Variants in EFHC2 observed in about 807,000 individuals in gnomAD.
The protein encoded by EFHC2 is EF-hand domain containing 2.
Under a neutral mutation model 52.7 loss-of-function variants are expected in EFHC2, and 18 were observed. The observed-to-expected ratio is 0.34, with a 90% CI of 0.24 to 0.51. The LOEUF (loss-of-function observed/expected upper bound fraction) is 0.51, where lower values mean the gene tolerates loss of function less well. Ranked by LOEUF, EFHC2 falls within the 20% of genes least tolerant of loss-of-function variation. EFHC2 has a pLI of 0.97. For synonymous variants in EFHC2, 203 were observed against 204.1 expected (o/e 0.99, Z 0.04); for missense variants, 513 against 562.5 (o/e 0.91, Z 0.89).
At chrX:44,314,856 A>T (rs144912612) in intron 1 of EFHC2, among the ~76,000 whole-genome samples, 11,502 of 111,121 alleles carry the variant, frequency 0.1, 490 homozygotes, top group Admixed American at 0.19. Context: ...TGCCAAATAT[A>T]CGAGTTAAAA....
chrX:44,336,579 A>G (rs959241023), intron 1 of EFHC2, among the ~76,000 whole-genome samples: 1 of 111,872 alleles, frequency 8.9e-6, no homozygotes, highest in African/African-American at 3.2e-5. Context: ...TGGCCAGTTC[A>G]AAATTTACAT....
chrX:44,218,250 A>C (rs770218683), intron 11 of EFHC2, among the ~76,000 whole-genome samples: 1 of 111,682 alleles, frequency 9.0e-6, no homozygotes, highest in African/African-American at 3.2e-5. Flanking sequence ...AATGTATTAC[A>C]TAAGGAAACT....
chrX:44,335,967 T>C (rs1304736380), intron 1 of EFHC2, among the ~76,000 whole-genome samples: 1 of 107,068 alleles, frequency 9.3e-6, no homozygotes, highest in African/African-American at 3.4e-5. Context: ...GTAAGGAAAC[T>C]CCCCAATTAA....
chrX:44,185,777 T>C (rs2036869706), intron 11 of EFHC2, among the ~76,000 whole-genome samples: 1 of 111,375 alleles, frequency 9.0e-6, no homozygotes, highest in Non-Finnish European at 1.9e-5. Flanking sequence ...AGTGATCCTC[T>C]CACTTTGGCC....
intron 12 of EFHC2, 34 bp downstream of exon 12, chrX:44,178,333 G>A: frequency 9.0e-7 from 1 of 1,111,319 alleles, no homozygotes; most frequent in South Asian, 2.2e-5. Flanking sequence ...TCACAGAAAT[G>A]TAAATGATTA....
intron 4 of EFHC2, among the ~76,000 whole-genome samples, chrX:44,259,820 G>A (rs1257425683): frequency 9.0e-6 from 1 of 111,402 alleles, no homozygotes; most frequent in Non-Finnish European, 1.9e-5. Flanking sequence ...AAATCCCTTT[G>A]TACATCAATA....
intron 4 of EFHC2, among the ~76,000 whole-genome samples, chrX:44,254,352 T>A (rs1368073574): frequency 8.9e-6 from 1 of 111,869 alleles, no homozygotes; most frequent in Non-Finnish European, 1.9e-5. Flanking sequence ...TTTAACCCAA[T>A]GCAAGGAAGC....
chrX:44,221,269 G>T (rs73628323), intron 11 of EFHC2, among the ~76,000 whole-genome samples: 7,189 of 111,052 alleles, frequency 0.065, 583 homozygotes, highest in African/African-American at 0.22. Flanking sequence ...CATAGAGAGA[G>T]ATAAAATTCT....
At chrX:44,295,907 A>G (rs1429442618) in intron 2 of EFHC2, among the ~76,000 whole-genome samples, 2 of 111,946 alleles carry the variant, frequency 1.8e-5, no homozygotes, top group Non-Finnish European at 3.8e-5. Context: ...ACTAATAGCA[A>G]TTGAAAATCC....
chrX:44,205,176 C>T (rs1215580177), intron 11 of EFHC2, among the ~76,000 whole-genome samples: 3 of 111,024 alleles, frequency 2.7e-5, no homozygotes, highest in African/African-American at 9.8e-5. Context: ...ACCACCAGAC[C>T]AGTCTACAAG....
intron 2 of EFHC2, among the ~76,000 whole-genome samples, chrX:44,279,741 A>G (rs989522978): frequency 4.5e-5 from 5 of 111,015 alleles, no homozygotes; most frequent in Admixed American, 1.9e-4. Flanking sequence ...AATTGCCCCA[A>G]TAAAGTCTCC....
chrX:44,285,754 C>T (rs2037745235), intron 2 of EFHC2: 3 of 157,447 alleles, frequency 1.9e-5, no homozygotes, highest in Admixed American at 5.6e-5. Flanking sequence ...GCTTGGATTA[C>T]TCCAGTAAGT....
chrX:44,203,084 T>C (rs1039089769), intron 11 of EFHC2, among the ~76,000 whole-genome samples: 11 of 111,870 alleles, frequency 9.8e-5, no homozygotes, highest in Admixed American at 8.5e-4. Context: ...AAAGTGAATG[T>C]GCACTGAAAG....
chrX:44,248,441 A>T (rs374752600), intron 6 of EFHC2, 31 bp from the exon 7 acceptor site: 1 of 1,180,346 alleles, frequency 8.5e-7, no homozygotes, highest in East Asian at 3.1e-5. Flanking sequence ...TAGCATTGGC[A>T]CCATGGACCC....
At chrX:44,329,285 A>T (rs1008857103) in intron 1 of EFHC2, among the ~76,000 whole-genome samples, 5 of 111,834 alleles carry the variant, frequency 4.5e-5, no homozygotes, top group Admixed American at 1.9e-4. Flanking sequence ...AAAAAAAGAC[A>T]AATAATCTTG....
intron 2 of EFHC2, among the ~76,000 whole-genome samples, chrX:44,301,987 A>G (rs1433320261): frequency 8.9e-6 from 1 of 112,198 alleles, no homozygotes; most frequent in Non-Finnish European, 1.9e-5. Flanking sequence ...CATTTCACAC[A>G]GAAGTTTTTG....
intron 2 of EFHC2, among the ~76,000 whole-genome samples, chrX:44,307,591 A>T (rs1176716582): frequency 8.9e-6 from 1 of 111,998 alleles, no homozygotes; most frequent in African/African-American, 3.2e-5. Context: ...ATCATCTTTC[A>T]TGCAATGTCT....
At chrX:44,261,528 T>A (rs949931373) in intron 3 of EFHC2, among the ~76,000 whole-genome samples, 2 of 110,094 alleles carry the variant, frequency 1.8e-5, no homozygotes, top group Non-Finnish European at 3.8e-5. Flanking sequence ...GTTGCCTAAG[T>A]GGTGCTTGGG....
At chrX:44,164,227 T>A (rs1277845503) in intron 13 of EFHC2, among the ~76,000 whole-genome samples, 200 bp from the exon 14 acceptor site, 1 of 112,296 alleles carries the variant, frequency 8.9e-6, no homozygotes, top group Non-Finnish European at 1.9e-5. Flanking sequence ...ATCTAATTCA[T>A]CAAAATATCC....
Sources: allele counts gnomAD v4.1 joint callset (sites outside exome capture counted in the v4.1 genomes callset), GRCh38; gene constraint gnomAD v4.1.1; transcripts MANE v1.5; gene names NCBI Gene and HGNC (gene_info 2026-07-23, HGNC 2026-07-21).